Variants in PPARA observed in about 807,000 individuals in gnomAD.
PPARA encodes peroxisome proliferator-activated receptor alpha.
In PPARA, 22 loss-of-function variants were observed where a neutral mutation model predicts 42.2. That is an observed-to-expected ratio of 0.52 (90% CI 0.37 to 0.74). The LOEUF (loss-of-function observed/expected upper bound fraction) is 0.74. Ranked by LOEUF, PPARA falls within the 30% of genes least tolerant of loss-of-function variation. The pLI is 0.00. For synonymous variants in PPARA, 242 were observed against 239.3 expected (o/e 1.01, Z -0.10); for missense variants, 465 against 608.2 (o/e 0.76, Z 2.48).
chr22:46,211,194 C>A lies in PPARA; in HGVS notation c.209-3979C>A, dbSNP rs1362181342. 1.3e-5 allele frequency among the ~76,000 whole-genome samples: 2 copies of A among 152,194 alleles called. No homozygotes were observed. The highest frequency in any genetic ancestry group is 4.8e-5 in the African/African-American group (2 of 41,454). Reference sequence around the variant, plus strand: ...TATTTCTGTCTGTGGCCATCTGTAGCTGTATGAAGCCAAACATGAGTGTGT... The same window carrying A: ...TATTTCTGTCTGTGGCCATCTGTAGATGTATGAAGCCAAACATGAGTGTGT... On this transcript the variant is annotated intron_variant, in intron 4 of 8. Transcript: ENST00000407236. This position sits in a 1 kb window ranked among gnomAD's most constrained non-coding sequence, Gnocchi z 4.1.
At position 46,179,461 on chromosome 22, in the gene PPARA, G is replaced by A. The variant is rs142582630; in HGVS notation, c.-43+2625G>A. On this transcript the variant is annotated intron_variant, in intron 3 of 8. Coordinates refer to ENST00000407236, the MANE Select transcript of PPARA (RefSeq NM_005036.6). ...ACAGAGGTGCAAAGGCAATTTGGTA[G>A]AGAAAGGACAGTCTTTTCAATAAAT... is the stretch of plus-strand genomic sequence containing the variant. Among the ~76,000 whole-genome samples the A allele has an allele frequency of 2.2e-3, 339 of 152,300 alleles. 1 individual carries two copies. Among genetic ancestry groups the A allele is most frequent in the African/African-American group, 7.7e-3 (318 of 41,568 alleles).
chr22:46,159,090 C>G (rs554031876), intron 2 of PPARA, among the ~76,000 whole-genome samples: 1 of 152,156 alleles, frequency 6.6e-6, no homozygotes, highest in East Asian at 1.9e-4. Flanking sequence ...GGGCTTTCAC[C>G]ATGTTGGCCA....
At chr22:46,215,758 A>G (rs1934427073) in intron 5 of PPARA, among the ~76,000 whole-genome samples, 1 of 152,058 alleles carries the variant, frequency 6.6e-6, no homozygotes, top group Non-Finnish European at 1.5e-5. Flanking sequence ...AAAAGAAAGA[A>G]AAAAAGAAAA....
At chr22:46,213,403 CTTTTTTT>C (rs61615727) in intron 4 of PPARA, among the ~76,000 whole-genome samples, 1 of 134,864 alleles carries the variant, frequency 7.4e-6, no homozygotes, top group Non-Finnish European at 1.6e-5. Context: ...CATTTTCTTT[CTTTTTTT>C]TTTTTTTTTT....
chr22:46,153,433 G>C (rs1262304748), intron 2 of PPARA, among the ~76,000 whole-genome samples: 1 of 151,916 alleles, frequency 6.6e-6, no homozygotes, highest in East Asian at 1.9e-4. Context: ...CCTCCCAAAG[G>C]GCTGAGGTTA....
At chr22:46,198,702 C>T (rs1932646821) in intron 4 of PPARA, 111 bp downstream of exon 4, 5 of 1,162,868 alleles carry the variant, frequency 4.3e-6, no homozygotes, top group South Asian at 3.9e-5. Context: ...GCTCTGTCGC[C>T]CAGGCTGGAG....
At chr22:46,157,738 A>AG (rs1392427219) in intron 2 of PPARA, among the ~76,000 whole-genome samples, 1 of 152,194 alleles carries the variant, frequency 6.6e-6, no homozygotes, top group East Asian at 1.9e-4. Context: ...TAACAAGGTG[A>AG]GGGTCCTTCT....
intron 2 of PPARA, among the ~76,000 whole-genome samples, chr22:46,169,728 C>T (rs894961323): frequency 2.0e-5 from 3 of 151,992 alleles, no homozygotes; most frequent in African/African-American, 4.8e-5. Flanking sequence ...GATCTCTACT[C>T]AGAAAACTGA....
At chr22:46,198,306 A>T in intron 3 of PPARA, 36 bp from the exon 4 acceptor site, 4 of 1,089,784 alleles carry the variant, frequency 3.7e-6, no homozygotes, top group Non-Finnish European at 5.6e-6. Context: ...ACGTTGTTAT[A>T]CGTCAGTCTT....
chr22:46,232,385 C>T lies in PPARA; in HGVS notation c.1159+146C>T. 1 of 753,640 alleles carries T rather than the reference C, an allele frequency of 1.3e-6. No homozygotes were observed. Among genetic ancestry groups the T allele is most frequent in the Non-Finnish European group, 2.4e-6 (1 of 424,580 alleles). The allele number at this position is 753,640 out of a possible 1,614,324, so 46.7% of individuals were successfully genotyped here. ...TGGGAAGACGTCTGACCCCCAGTCA[C>T]TGCTGAGAATTCAGTGGGAATTATA... On this transcript the variant is annotated intron_variant, in intron 8 of 8. Transcript: ENST00000407236. This position sits in a 1 kb window ranked among gnomAD's most constrained non-coding sequence, Gnocchi z 5.3.
rs1415450466 is a variant in PPARA at position 46,224,700 on chromosome 22, T to C, written c.711+4686T>C. On this transcript the variant is annotated intron_variant, in intron 7 of 8. Coordinates refer to ENST00000407236, the MANE Select transcript of PPARA (RefSeq NM_005036.6). The surrounding 1 kb of genome is among the most constrained non-coding windows in gnomAD (Gnocchi z 5.7). ...ACTAATGGATTCATACGAACCGTAA[T>C]GAACGTGGGCTGTGTGCTGGGGAAG... Among the ~76,000 whole-genome samples the C allele has an allele frequency of 6.6e-6, 1 of 151,998 alleles. No individual in the cohort carries two copies. The highest frequency in any genetic ancestry group is 1.5e-5 in the Non-Finnish European group (1 of 67,986).
intron 3 of PPARA, among the ~76,000 whole-genome samples, chr22:46,178,690 G>T (rs935133339): frequency 2.0e-5 from 3 of 152,156 alleles, no homozygotes; most frequent in Admixed American, 1.3e-4. Flanking sequence ...CCATCTGAGA[G>T]GATTAGAAGG....
Position 46,219,247 on chromosome 22 carries a change from G to A in PPARA, c.509-565G>A, listed in dbSNP as rs4253754. 0.17 allele frequency among the ~76,000 whole-genome samples: 25,509 copies of A among 152,170 alleles called. 2,270 individuals carry two copies. The highest frequency in any genetic ancestry group is 0.21 in the Middle Eastern group (62 of 294). ...TCGCTGTTAGAAACTTCAGTGGTAAGACTTTGATACAGAATCGAAAAACCA... is the reference window on the plus strand; with the variant it reads ...TCGCTGTTAGAAACTTCAGTGGTAAAACTTTGATACAGAATCGAAAAACCA... On this transcript the variant is annotated intron_variant, in intron 6 of 8. Transcript: ENST00000407236. The surrounding 1 kb of genome is among the most constrained non-coding windows in gnomAD (Gnocchi z 4.8).
rs2043166094 is a variant in PPARA at position 46,190,533 on chromosome 22, G to A, written c.-42-7809G>A. ...ACTTAGAGGCCAAGCCGCGTGGATC[G>A]CTTGAGCCCAGGAGTTCGAGACCAG... On this transcript the variant is annotated intron_variant, in intron 3 of 8. Transcript: ENST00000407236. This position sits in a 1 kb window ranked among gnomAD's most constrained non-coding sequence, Gnocchi z 5.6. Among the ~76,000 whole-genome samples the A allele has an allele frequency of 2.6e-5, 4 of 152,118 alleles. No homozygotes were observed. The South Asian group carries it at 6.2e-4, about 24-fold the overall frequency.
intron 7 of PPARA, among the ~76,000 whole-genome samples, chr22:46,226,557 T>C (rs538310507): frequency 1.4e-4 from 21 of 152,304 alleles, no homozygotes; most frequent in African/African-American, 4.8e-4. Flanking sequence ...ATAGCTTCAG[T>C]TATGGAAGAT....
In PPARA at chr22:46,235,439, G is replaced by C. The variant is rs1483295790; in HGVS notation, c.*59G>C. On this transcript the variant is annotated 3_prime_UTR_variant, in exon 9 of 9. Coordinates refer to ENST00000407236, the MANE Select transcript of PPARA (RefSeq NM_005036.6). This position sits in a 1 kb window ranked among gnomAD's most constrained non-coding sequence, Gnocchi z 7.0. ...TTCTGAAGCTGACAGCACTACAAAG[G>C]AGACGGGGGAGCAGCACGATTTTGC... The C allele has an allele frequency of 1.3e-6, 2 of 1,595,848 alleles. No homozygotes were observed. Among genetic ancestry groups the C allele is most frequent in the African/African-American group, 2.7e-5 (2 of 74,340 alleles).
chr22:46,213,303 A>T (rs1227269654), intron 4 of PPARA, among the ~76,000 whole-genome samples: 1 of 151,918 alleles, frequency 6.6e-6, no homozygotes, highest in African/African-American at 2.4e-5. Context: ...CCCCGATGAC[A>T]TATCATGCTG....
At chr22:46,217,902 C>T (rs906331444) in intron 5 of PPARA, among the ~76,000 whole-genome samples, 1 of 138,984 alleles carries the variant, frequency 7.2e-6, no homozygotes, top group African/African-American at 2.7e-5. Flanking sequence ...ACAATCTCAG[C>T]TCACTGCAAC....
At chr22:46,176,990 C>T (rs1929178261) in intron 3 of PPARA, among the ~76,000 whole-genome samples, 154 bp downstream of exon 3, 1 of 152,224 alleles carries the variant, frequency 6.6e-6, no homozygotes, top group African/African-American at 2.4e-5. Flanking sequence ...GCGGGCAGAT[C>T]ACGAGGTTAG....
Sources: gnomAD v4.1 joint callset for allele counts (sites outside exome capture counted in the v4.1 genomes callset) on GRCh38, gnomAD v4.1.1 for gene constraint, Gnocchi (gnomAD v3.1) non-coding constraint, MANE v1.5 for transcripts, NCBI Gene and HGNC (gene_info 2026-07-23, HGNC 2026-07-21) for gene names.